ZNF365: variants seen among roughly 807,000 people sequenced by gnomAD.
ZNF365 encodes the protein protein ZNF365.
In ZNF365, 22 loss-of-function variants were observed where a neutral mutation model predicts 35.0. The ratio of observed to expected loss-of-function variants is 0.63; its 90% confidence interval spans 0.45 to 0.90. The LOEUF (loss-of-function observed/expected upper bound fraction) is 0.90, where lower values mean the gene tolerates loss of function less well. ZNF365 is among the 40% of genes least tolerant of loss of function. The pLI, the probability that ZNF365 is intolerant of heterozygous loss-of-function variation, is 0.00. For missense variants in ZNF365, 448 were observed against 500.3 expected, an observed-to-expected ratio of 0.90 and a Z score of 1.00; for synonymous variants, 188 against 196.2, an observed-to-expected ratio of 0.96 and a Z score of 0.35.
chr10:62,409,674 C>T (rs1839957037), intron 3 of ZNF365, among the ~76,000 whole-genome samples: 1 of 152,086 alleles, frequency 6.6e-6, no homozygotes, highest in Non-Finnish European at 1.5e-5. Flanking sequence ...AGCTGTTCCT[C>T]AAACAGAATA....
downstream of ZNF365, among the ~76,000 whole-genome samples, chr10:62,404,794 C>T (rs1839881026): frequency 1.3e-5 from 2 of 152,266 alleles, no homozygotes; most frequent in South Asian, 4.1e-4. Context: ...ATTGATGTTA[C>T]ATTAATGTAA....
intron 3 of ZNF365, among the ~76,000 whole-genome samples, chr10:62,416,429 G>A (rs1294996961): frequency 1.3e-5 from 2 of 152,064 alleles, no homozygotes; most frequent in Non-Finnish European, 2.9e-5. Flanking sequence ...ATGTTCCCAT[G>A]TTTTCCTAAT....
At chr10:62,443,918 C>A (rs1368764105) in intron 3 of ZNF365, among the ~76,000 whole-genome samples, 1 of 152,190 alleles carries the variant, frequency 6.6e-6, no homozygotes, top group Non-Finnish European at 1.5e-5. Context: ...TGATTACAGT[C>A]TTGAACTTTT....
intron 3 of ZNF365, among the ~76,000 whole-genome samples, chr10:62,445,841 G>A (rs947564700): frequency 5.3e-5 from 8 of 151,954 alleles, no homozygotes; most frequent in South Asian, 2.1e-4. Flanking sequence ...CATTGGCCTC[G>A]GTCAGACCAT....
rs1839795377 is a variant in ZNF365 at position 62,399,793 on chromosome 10, G to T, written c.*4G>T. 3.1e-6 allele frequency: 5 copies of T among 1,610,584 alleles called. No homozygotes were observed. The highest frequency in any genetic ancestry group is 2.5e-6 in the Non-Finnish European group (3 of 1,178,528). ...AGCCATTGTGAACATCATCTAAAAG[G>T]GTGGGTGGTGCTGGACCAATCATCG... On this transcript the variant is annotated 3_prime_UTR_variant, in exon 5 of 5. Coordinates refer to ENST00000395254, the MANE Select transcript of ZNF365 (RefSeq NM_014951.3).
intron 4 of ZNF365, among the ~76,000 whole-genome samples, chr10:62,478,660 G>A (rs547036900): frequency 1.3e-5 from 2 of 152,256 alleles, no homozygotes; most frequent in Non-Finnish European, 1.5e-5. Flanking sequence ...TGCAAGCTCC[G>A]CCTCCTGGGT....
intron 4 of ZNF365, among the ~76,000 whole-genome samples, chr10:62,474,447 T>C (rs1048872303): frequency 1.3e-5 from 2 of 152,190 alleles, no homozygotes; most frequent in African/African-American, 4.8e-5. Flanking sequence ...TAAATTGTCA[T>C]GGAAAGTAAT....
At chr10:62,399,201 A>G (rs568812701) in intron 4 of ZNF365, among the ~76,000 whole-genome samples, 2 of 152,278 alleles carry the variant, frequency 1.3e-5, no homozygotes, top group South Asian at 4.1e-4. Flanking sequence ...ACAAGTCAAG[A>G]GACATGAGTT....
intron 3 of ZNF365, among the ~76,000 whole-genome samples, chr10:62,434,215 A>G (rs1331693621): frequency 6.6e-6 from 1 of 152,204 alleles, no homozygotes; most frequent in Non-Finnish European, 1.5e-5. Context: ...ATTGAATTAG[A>G]TAATCAGTAA....
rs373424184 is a variant in ZNF365 at position 62,439,986 on chromosome 10, G to A, written c.925-19755G>A. Among the ~76,000 whole-genome samples, 74 of 152,138 alleles carry A rather than the reference G, an allele frequency of 4.9e-4. 1 individual carries two copies. The highest frequency in any genetic ancestry group is 3.9e-4 in the Admixed American group (6 of 15,292). ...TGCATGTTTTTCCTTTGTCCTGTCC[G>A]CACTTTCTCCCGCACAAAATGGACT... On this transcript the variant is annotated intron_variant, in intron 3 of 4. Coordinates refer to the ZNF365 transcript ENST00000395255.
chr10:62,475,492 CT>C (rs1358336756), intron 4 of ZNF365, among the ~76,000 whole-genome samples: 1 of 152,206 alleles, frequency 6.6e-6, no homozygotes, highest in East Asian at 1.9e-4. Flanking sequence ...TGACTGTTCA[CT>C]ATGAACTGGA....
chr10:62,403,212 T>C (rs948965571), downstream of ZNF365, among the ~76,000 whole-genome samples: 4 of 152,030 alleles, frequency 2.6e-5, no homozygotes, highest in African/African-American at 9.7e-5. Context: ...AGTAAGAAAA[T>C]CATAAGGAAG....
chr10:62,419,494 G>GAA (rs751316684), intron 3 of ZNF365, among the ~76,000 whole-genome samples: 2,764 of 124,888 alleles, frequency 0.022, 88 homozygotes, highest in African/African-American at 0.074. Context: ...GTTTTTAAAG[G>GAA]AAAAAAAAAA....
Position 62,376,174 on chromosome 10 carries a change from CT to C in ZNF365, c.-13-6del. On this transcript the variant is annotated splice_polypyrimidine_tract_variant and splice_region_variant and intron_variant, in intron 1 of 4. Coordinates refer to ENST00000395254, the MANE Select transcript of ZNF365 (RefSeq NM_014951.3). ...GACTTGTAAACTACCTATTTCCCCC[CT>C]CCCAGGACTTTTAGAGTAATGCAAC... 6.2e-7 allele frequency: 1 copy of C among 1,612,198 alleles called. No individual in the cohort carries two copies. The highest frequency in any genetic ancestry group is 8.5e-7 in the Non-Finnish European group (1 of 1,178,878).
At position 62,445,239 on chromosome 10, in the gene ZNF365, T is replaced by A. The variant is rs1379884112; in HGVS notation, c.925-14502T>A. Among the ~76,000 whole-genome samples, 3 of 151,418 alleles carry A rather than the reference T, an allele frequency of 2.0e-5. No homozygotes were observed. The East Asian group carries it at 5.8e-4, about 29-fold the overall frequency. ...TGAATAGTGCCACAATAAACATACA[T>A]GTGCATGTGTCTTTATAGCAGCATG... is the stretch of plus-strand genomic sequence containing the variant. On this transcript the variant is annotated intron_variant, in intron 3 of 4. Transcript: ENST00000395255.
intron 3 of ZNF365, among the ~76,000 whole-genome samples, chr10:62,426,285 G>A (rs1055568725): frequency 2.6e-5 from 4 of 152,088 alleles, no homozygotes; most frequent in Non-Finnish European, 5.9e-5. Flanking sequence ...AAACATAGCT[G>A]AAACTAATCT....
At chr10:62,459,992 T>C (rs994585159) in intron 4 of ZNF365, among the ~76,000 whole-genome samples, 2 of 152,182 alleles carry the variant, frequency 1.3e-5, no homozygotes, top group African/African-American at 4.8e-5. Flanking sequence ...AAAATGAGGG[T>C]CCATTATATT....
chr10:62,445,096 G>C (rs1475681956), intron 3 of ZNF365, among the ~76,000 whole-genome samples: 1 of 151,388 alleles, frequency 6.6e-6, no homozygotes, highest in Non-Finnish European at 1.5e-5. Flanking sequence ...CCCTACAAAG[G>C]ACATGAACTC....
intron 4 of ZNF365, among the ~76,000 whole-genome samples, chr10:62,466,864 T>C (rs978216241): frequency 2.0e-5 from 3 of 152,148 alleles, no homozygotes; most frequent in Non-Finnish European, 1.5e-5. Flanking sequence ...TATAGTGGTA[T>C]GATCACGGCT....
Sources: allele counts gnomAD v4.1 joint callset (sites outside exome capture counted in the v4.1 genomes callset), GRCh38; gene constraint gnomAD v4.1.1; transcripts MANE v1.5; gene names NCBI Gene and HGNC (gene_info 2026-07-23, HGNC 2026-07-21).